SEMA3A: variants seen among roughly 807,000 people sequenced by gnomAD.
SEMA3A encodes the protein semaphorin 3A.
In SEMA3A, 29 loss-of-function variants were observed where a neutral mutation model predicts 97.9. The ratio of observed to expected loss-of-function variants is 0.30; its 90% CI spans 0.22 to 0.40. The LOEUF (loss-of-function observed/expected upper bound fraction) is 0.40. Ranked by LOEUF, SEMA3A falls within the 10% of genes least tolerant of loss-of-function variation. The pLI is 1.00. For synonymous variants in SEMA3A, 321 were observed against 323.7 expected, an observed-to-expected ratio of 0.99 and a Z score of 0.09; for missense variants, 763 against 951.3, an observed-to-expected ratio of 0.80 and a Z score of 2.60.
intron 3 of SEMA3A, among the ~76,000 whole-genome samples, chr7:84,268,265 G>C (rs1302024648): frequency 6.6e-6 from 1 of 151,092 alleles, no homozygotes; most frequent in Non-Finnish European, 1.5e-5. Flanking sequence ...GTGTGTGTGT[G>C]TGTGTGTGTG....
chr7:84,004,690 C>G (rs1790594115), intron 11 of SEMA3A, among the ~76,000 whole-genome samples: 2 of 152,124 alleles, frequency 1.3e-5, no homozygotes, highest in African/African-American at 2.4e-5. Context: ...CCTGATTAAA[C>G]TTATCTACTT....
chr7:84,422,245 G>A (rs541326363), intron 1 of SEMA3A, among the ~76,000 whole-genome samples: 90 of 151,938 alleles, frequency 5.9e-4, no homozygotes, highest in African/African-American at 2.1e-3. Context: ...TTTAGTCTTG[G>A]GAGGGTGTAT....
chr7:84,405,967 C>G (rs920341844), intron 1 of SEMA3A, among the ~76,000 whole-genome samples: 1 of 151,876 alleles, frequency 6.6e-6, no homozygotes, highest in Non-Finnish European at 1.5e-5. Flanking sequence ...AAATTCACAC[C>G]CTAACAACAC....
intron 3 of SEMA3A, among the ~76,000 whole-genome samples, chr7:84,293,243 C>T (rs1268739668): frequency 3.3e-5 from 5 of 152,052 alleles, no homozygotes; most frequent in African/African-American, 1.2e-4. Flanking sequence ...TATCCGTACC[C>T]TATGCCATGG....
Position 83,981,219 on chromosome 7 carries a change from A to T in SEMA3A, c.1652+102T>A. On this transcript the variant is annotated intron_variant, in intron 14 of 16. Coordinates refer to ENST00000265362, the MANE Select transcript of SEMA3A (RefSeq NM_006080.3). ...CATCTGCTCCCAAATCTTTTTATTC[A>T]TTAGAAAAAGTTGATGCACTTATTT... 3.9e-6 allele frequency: 5 copies of T among 1,291,862 alleles called. No individual in the cohort carries two copies. The South Asian group carries it at 6.5e-5, about 17-fold the overall frequency. 80.0% of individuals were successfully genotyped at this position (1,291,862 alleles called of 1,614,324 possible). A position where few individuals can be genotyped will look rare whatever the true frequency, so the allele number is the denominator to read the frequency against.
chr7:84,245,080 C>T (rs1351448400), intron 3 of SEMA3A, among the ~76,000 whole-genome samples: 1 of 152,062 alleles, frequency 6.6e-6, no homozygotes, highest in Non-Finnish European at 1.5e-5. Flanking sequence ...GATTGCTCTT[C>T]TCGAGGAATA....
chr7:84,299,906 C>G (rs1233902899), intron 3 of SEMA3A, among the ~76,000 whole-genome samples: 1 of 150,528 alleles, frequency 6.6e-6, no homozygotes, highest in Non-Finnish European at 1.5e-5. Flanking sequence ...GCGGCAGATG[C>G]CTGTAATCCC....
chr7:84,078,914 C>G lies in SEMA3A; in HGVS notation c.454-18356G>C, dbSNP rs144286120. ...ATACAGGCAGGGCGGTTCTTAGTTA[C>G]GTAGATACTAAGTGACTTCTTTTGC... On this transcript the variant is annotated intron_variant, in intron 4 of 16. Transcript: ENST00000265362. 1.5e-3 allele frequency among the ~76,000 whole-genome samples: 230 copies of G among 152,046 alleles called. 1 individual carries two copies. Among genetic ancestry groups the G allele is most frequent in the African/African-American group, 5.0e-3 (206 of 41,494 alleles).
At chr7:84,210,084 T>TA (rs1473855782) in intron 3 of SEMA3A, among the ~76,000 whole-genome samples, 1 of 152,206 alleles carries the variant, frequency 6.6e-6, no homozygotes, top group African/African-American at 2.4e-5. Context: ...TTATTGATAA[T>TA]AATTTTATCC....
intron 1 of SEMA3A, among the ~76,000 whole-genome samples, chr7:84,432,840 T>C (rs2116322473): frequency 6.6e-6 from 1 of 151,726 alleles, no homozygotes; most frequent in Non-Finnish European, 1.5e-5. Flanking sequence ...GATAATGCTG[T>C]GATGAACATA....
At chr7:83,973,480 TACTTTTAGGGC>T (rs1185713762) in intron 15 of SEMA3A, among the ~76,000 whole-genome samples, 1 of 152,088 alleles carries the variant, frequency 6.6e-6, no homozygotes, top group Admixed American at 6.6e-5. Context: ...AGGTAGGGAT[TACTTTTAGGGC>T]TGACATCATG....
intron 2 of SEMA3A, among the ~76,000 whole-genome samples, chr7:84,368,326 G>A (rs561068546): frequency 7.9e-5 from 12 of 151,030 alleles, no homozygotes; most frequent in Non-Finnish European, 1.2e-4. Context: ...AAAGTGACCC[G>A]CATGTCACAA....
intron 6 of SEMA3A, among the ~76,000 whole-genome samples, chr7:84,024,333 G>A (rs188482405): frequency 5.6e-4 from 85 of 152,258 alleles, no homozygotes; most frequent in African/African-American, 1.9e-3. Context: ...TTGAGGCCAG[G>A]AGGTTGAGAC....
At chr7:84,323,859 T>A (rs1352023327) in intron 2 of SEMA3A, among the ~76,000 whole-genome samples, 1 of 152,208 alleles carries the variant, frequency 6.6e-6, no homozygotes, top group African/African-American at 2.4e-5. Flanking sequence ...GAATTTTTCT[T>A]TGCTGTAGTA....
chr7:84,491,255 A>T (rs1806718342), intron 1 of SEMA3A, among the ~76,000 whole-genome samples: 1 of 152,082 alleles, frequency 6.6e-6, no homozygotes, highest in Non-Finnish European at 1.5e-5. Context: ...GTTTTGTCTA[A>T]TTTTGCCTAA....
At chr7:84,019,363 G>A (rs1309098331) in intron 6 of SEMA3A, among the ~76,000 whole-genome samples, 3 of 150,640 alleles carry the variant, frequency 2.0e-5, no homozygotes, top group African/African-American at 7.3e-5. Flanking sequence ...CCAGTGGAGT[G>A]ATTAGGAGTG....
At chr7:84,112,434 T>G (rs1444043464) in intron 3 of SEMA3A, among the ~76,000 whole-genome samples, 1 of 152,158 alleles carries the variant, frequency 6.6e-6, no homozygotes, top group Non-Finnish European at 1.5e-5. Context: ...TGCATGCAAT[T>G]TTTTCCACAA....
At chr7:84,390,335 AATTATTATTATTATT>A (rs71078827) in intron 1 of SEMA3A, among the ~76,000 whole-genome samples, 1 of 143,668 alleles carries the variant, frequency 7.0e-6, no homozygotes, top group Admixed American at 7.0e-5. Flanking sequence ...GATATTCAAG[AATTATTATTATTATT>A]ATTATTATTA....
chr7:84,285,371 G>GA lies in SEMA3A; in HGVS notation c.-83+21835dup, dbSNP rs368073946. ...ATACAGGCATAACAAAAGTATATAA[G>GA]AAAAAAATATGTGCACATATACATG... On this transcript the variant is annotated intron_variant, in intron 3 of 3. Transcript: ENST00000424555. Among the ~76,000 whole-genome samples the GA allele has an allele frequency of 6.6e-3, 1,008 of 152,008 alleles. 11 individuals are homozygous for GA. Among genetic ancestry groups the GA allele is most frequent in the African/African-American group, 0.023 (947 of 41,498 alleles).
Sources: allele counts gnomAD v4.1 joint callset (sites outside exome capture counted in the v4.1 genomes callset), GRCh38; gene constraint gnomAD v4.1.1; transcripts MANE v1.5; gene names NCBI Gene and HGNC (gene_info 2026-07-23, HGNC 2026-07-21).